Variants in NXPH1 observed in about 807,000 individuals in gnomAD.
NXPH1 encodes the protein neurexophilin 1.
A neutral mutation model predicts 23.7 loss-of-function variants in NXPH1; 5 were observed. The observed-to-expected ratio is 0.21, with a 90% CI of 0.11 to 0.44. The LOEUF is 0.44. Ranked by LOEUF, NXPH1 falls within the 20% of genes least tolerant of loss-of-function variation. The probability of loss-of-function intolerance (pLI) is 0.99; values close to 1 mark genes in which losing one functional copy is unlikely to be tolerated. For missense variants in NXPH1, 324 were observed against 321.6 expected (o/e 1.01, Z -0.06); for synonymous variants, 144 against 122.2 (o/e 1.18, Z -1.18).
At chr7:8,597,313 A>C (rs989778286) in intron 2 of NXPH1, among the ~76,000 whole-genome samples, 2 of 152,070 alleles carry the variant, frequency 1.3e-5, no homozygotes, top group Non-Finnish European at 2.9e-5. Flanking sequence ...TTGGACATGC[A>C]TGGTGGACAG....
chr7:8,448,201 C>A (rs1165034652), intron 2 of NXPH1, among the ~76,000 whole-genome samples: 1 of 152,196 alleles, frequency 6.6e-6, no homozygotes, highest in South Asian at 2.1e-4. Flanking sequence ...ACAATACCTC[C>A]CACCCATTAG....
chr7:8,567,438 AC>A (rs1818565829), intron 2 of NXPH1, among the ~76,000 whole-genome samples: 1 of 151,884 alleles, frequency 6.6e-6, no homozygotes, highest in Non-Finnish European at 1.5e-5. Context: ...ATGACTAACC[AC>A]CTGTGTATCT....
intron 2 of NXPH1, among the ~76,000 whole-genome samples, chr7:8,457,252 G>C (rs989927179): frequency 1.3e-5 from 2 of 152,110 alleles, no homozygotes; most frequent in African/African-American, 4.8e-5. Flanking sequence ...CTGACACAAG[G>C]GAAATAAATG....
At chr7:8,610,422 G>A (rs768310302) in intron 2 of NXPH1, among the ~76,000 whole-genome samples, 6 of 152,068 alleles carry the variant, frequency 3.9e-5, no homozygotes, top group Non-Finnish European at 5.9e-5. Flanking sequence ...ATCACAGGAC[G>A]TGTTAGAGGA....
At chr7:8,479,912 C>T (rs1817044907) in intron 2 of NXPH1, among the ~76,000 whole-genome samples, 1 of 152,016 alleles carries the variant, frequency 6.6e-6, no homozygotes, top group African/African-American at 2.4e-5. Flanking sequence ...AGAACTAGTT[C>T]GTTGTCTTGA....
chr7:8,701,614 T>G (rs959945616), intron 2 of NXPH1, among the ~76,000 whole-genome samples: 1 of 152,118 alleles, frequency 6.6e-6, no homozygotes, highest in African/African-American at 2.4e-5. Context: ...AGAATCCTTT[T>G]CAAGGGCTTT....
intron 2 of NXPH1, among the ~76,000 whole-genome samples, chr7:8,635,687 A>G (rs1416214672): frequency 1.3e-5 from 2 of 152,212 alleles, no homozygotes; most frequent in African/African-American, 2.4e-5. Context: ...AAATGTAATA[A>G]CAGATCAACC....
intron 2 of NXPH1, among the ~76,000 whole-genome samples, chr7:8,448,500 C>T (rs1352591616): frequency 6.6e-6 from 1 of 152,100 alleles, no homozygotes; most frequent in African/African-American, 2.4e-5. Context: ...TGGATAGTTA[C>T]CTTTACGATT....
chr7:8,607,059 T>G lies in NXPH1; in HGVS notation c.55-143949T>G, dbSNP rs187065404. Among the ~76,000 whole-genome samples the G allele has an allele frequency of 7.8e-3, 1,185 of 152,194 alleles. 12 individuals carry two copies. The highest frequency in any genetic ancestry group is 0.044 in the Middle Eastern group (13 of 294). On this transcript the variant is annotated intron_variant, in intron 2 of 2. Coordinates refer to ENST00000405863, the MANE Select transcript of NXPH1 (RefSeq NM_152745.3). ...TAGTTGGGGCTTTAATTCTAGTTTT[T>G]CCTGGGACAAATATACGGTTGGACT...
At chr7:8,653,853 C>T (rs1482266639) in intron 2 of NXPH1, among the ~76,000 whole-genome samples, 2 of 152,268 alleles carry the variant, frequency 1.3e-5, no homozygotes, top group East Asian at 3.9e-4. Context: ...TCATTTCTTA[C>T]AATACATAGC....
intron 2 of NXPH1, among the ~76,000 whole-genome samples, chr7:8,640,713 T>TG (rs1026464475): frequency 9.2e-5 from 14 of 152,266 alleles, no homozygotes; most frequent in African/African-American, 3.4e-4. Context: ...GTTAGCACTT[T>TG]GGGAGGTCAA....
chr7:8,649,459 C>T (rs77903800), intron 2 of NXPH1, among the ~76,000 whole-genome samples: 3,033 of 152,252 alleles, frequency 0.02, 59 homozygotes, highest in Middle Eastern at 0.037. Flanking sequence ...CATATACACA[C>T]ACAATTATAC....
intron 2 of NXPH1, among the ~76,000 whole-genome samples, chr7:8,496,219 C>T (rs1206040094): frequency 6.6e-6 from 1 of 151,990 alleles, no homozygotes; most frequent in East Asian, 1.9e-4. Flanking sequence ...TTACCCCTTA[C>T]CTCTCTTCAC....
chr7:8,533,302 G>T (rs1186705643), intron 2 of NXPH1, among the ~76,000 whole-genome samples: 1 of 151,984 alleles, frequency 6.6e-6, no homozygotes, highest in African/African-American at 2.4e-5. Context: ...TTAATCTGTT[G>T]TTCTTTTATA....
At chr7:8,547,872 A>G (rs1818220632) in intron 2 of NXPH1, among the ~76,000 whole-genome samples, 1 of 151,430 alleles carries the variant, frequency 6.6e-6, no homozygotes. Flanking sequence ...ATATATATGA[A>G]TTTATCCAGT....
intron 2 of NXPH1, among the ~76,000 whole-genome samples, chr7:8,570,106 A>C (rs751893840): frequency 2.0e-5 from 3 of 151,922 alleles, no homozygotes; most frequent in Admixed American, 6.6e-5. Flanking sequence ...GAACCTGTGC[A>C]ATATCCACAG....
At chr7:8,471,480 T>C (rs1193745445) in intron 2 of NXPH1, among the ~76,000 whole-genome samples, 2 of 152,106 alleles carry the variant, frequency 1.3e-5, no homozygotes, top group African/African-American at 4.8e-5. Flanking sequence ...CTACTTAAGA[T>C]GGGGACTGCT....
chr7:8,457,614 G>A (rs1004234703), intron 2 of NXPH1, among the ~76,000 whole-genome samples: 1 of 149,040 alleles, frequency 6.7e-6, no homozygotes, highest in Non-Finnish European at 1.5e-5. Context: ...CAACTTCATT[G>A]GTCCATTTGG....
chr7:8,691,500 C>T (rs1821220976), intron 2 of NXPH1, among the ~76,000 whole-genome samples: 1 of 152,108 alleles, frequency 6.6e-6, no homozygotes, highest in Non-Finnish European at 1.5e-5. Flanking sequence ...AAGGAATTTA[C>T]ACAATTTGGT....
Sources: gnomAD v4.1 joint callset for allele counts (sites outside exome capture counted in the v4.1 genomes callset) on GRCh38, gnomAD v4.1.1 for gene constraint, MANE v1.5 for transcripts, NCBI Gene and HGNC (gene_info 2026-07-23, HGNC 2026-07-21) for gene names.